The following SEMA3A variants were observed in gnomAD, a reference collection of about 807,000 sequenced individuals.
The protein encoded by SEMA3A is semaphorin-3A.
SEMA3A carries 29 observed loss-of-function variants against 97.9 expected under a neutral mutation model. That is an observed-to-expected ratio of 0.30 (90% CI 0.22 to 0.40). The LOEUF is 0.40. SEMA3A is among the 10% of genes least tolerant of loss of function. SEMA3A has a pLI of 1.00. For missense variants in SEMA3A, 763 were observed against 951.3 expected, an observed-to-expected ratio of 0.80 and a Z score of 2.60; for synonymous variants, 321 against 323.7, an observed-to-expected ratio of 0.99 and a Z score of 0.09.
At chr7:84,390,929 GACC>G (rs1294706499) in intron 1 of SEMA3A, among the ~76,000 whole-genome samples, 1 of 152,138 alleles carries the variant, frequency 6.6e-6, no homozygotes, top group Non-Finnish European at 1.5e-5. Context: ...CATAAAGTTA[GACC>G]CGAAATGGTC....
rs1788285754 is a variant in SEMA3A, at chr7:83,956,598, T to C, written c.*4773A>G. The stretch of plus-strand genomic sequence containing the variant: ...TGTAGGAGGCTGAATGTGTGACATA[T>C]GACAGTCTGTGCCAAGGATGCGAAT... On this transcript the variant is annotated 3_prime_UTR_variant, in exon 17 of 17. Transcript: ENST00000265362. The C allele has an allele frequency of 2.0e-5, 3 of 152,052 alleles. No homozygotes were observed. The highest frequency in any genetic ancestry group is 4.8e-5 in the African/African-American group (2 of 41,402). 9.4% of individuals were successfully genotyped at this position (152,052 alleles called of 1,614,324 possible).
chr7:84,162,551 G>A (rs1797067454), intron 1 of SEMA3A, among the ~76,000 whole-genome samples: 1 of 151,572 alleles, frequency 6.6e-6, no homozygotes, highest in South Asian at 2.1e-4. Flanking sequence ...GTACAGCAAT[G>A]GTATTAATTT....
chr7:84,295,201 G>A (rs1416304747), intron 3 of SEMA3A, among the ~76,000 whole-genome samples: 1 of 151,932 alleles, frequency 6.6e-6, no homozygotes, highest in African/African-American at 2.4e-5. Context: ...CTAGCAATTG[G>A]TCTAGAATAT....
At chr7:84,398,689 T>C (rs1803807817) in intron 1 of SEMA3A, among the ~76,000 whole-genome samples, 1 of 152,000 alleles carries the variant, frequency 6.6e-6, no homozygotes, top group African/African-American at 2.4e-5. Flanking sequence ...GTGCCTGTAG[T>C]CTTAGCTACT....
chr7:84,178,799 C>T (rs1356403862), intron 1 of SEMA3A, among the ~76,000 whole-genome samples: 1 of 152,110 alleles, frequency 6.6e-6, no homozygotes, highest in Admixed American at 6.5e-5. Flanking sequence ...CATGGTTATT[C>T]AATTAGTCCC....
intron 2 of SEMA3A, among the ~76,000 whole-genome samples, chr7:84,350,554 T>C (rs896464493): frequency 1.1e-4 from 17 of 152,206 alleles, no homozygotes; most frequent in African/African-American, 3.9e-4. Context: ...ACTGGGGTAA[T>C]TGCATTCCAT....
intron 1 of SEMA3A, among the ~76,000 whole-genome samples, chr7:84,185,046 C>T (rs1289066038): frequency 6.6e-6 from 1 of 152,044 alleles, no homozygotes; most frequent in African/African-American, 2.4e-5. Flanking sequence ...TTCTTGTGCT[C>T]TAATAACTGG....
chr7:84,195,645 T>A (rs546675008), upstream of SEMA3A, among the ~76,000 whole-genome samples: 1 of 152,174 alleles, frequency 6.6e-6, no homozygotes, highest in Admixed American at 6.5e-5. Context: ...TTGAGAATTA[T>A]AAATTACAAC....
chr7:84,419,218 T>C (rs1293743859), intron 1 of SEMA3A, among the ~76,000 whole-genome samples: 1 of 152,088 alleles, frequency 6.6e-6, no homozygotes, highest in South Asian at 2.1e-4. Context: ...GTAGTCTATA[T>C]CCCTAAGTGA....
intron 3 of SEMA3A, among the ~76,000 whole-genome samples, chr7:84,221,710 G>A (rs1562859274): frequency 1.3e-5 from 2 of 151,968 alleles, no homozygotes; most frequent in Non-Finnish European, 2.9e-5. Flanking sequence ...AGCATTTATT[G>A]ATTAAGTTTT....
In SEMA3A at chr7:83,960,553, A is replaced by T. The variant is rs1788426636; in HGVS notation, c.*818T>A. 3 of 152,504 alleles carry T rather than the reference A, an allele frequency of 2.0e-5. No individual in the cohort carries two copies. The highest frequency in any genetic ancestry group is 4.4e-5 in the Non-Finnish European group (3 of 67,974). 9.4% of individuals were successfully genotyped at this position (152,504 alleles called of 1,614,324 possible). On this transcript the variant is annotated 3_prime_UTR_variant, in exon 17 of 17. Coordinates refer to ENST00000265362, the MANE Select transcript of SEMA3A (RefSeq NM_006080.3). ...TTAATGATGTATATGTGTTTCTAGAACAATGTCATCTATCCCTCTTATAGA... is the reference window on the plus strand; with the variant it reads ...TTAATGATGTATATGTGTTTCTAGATCAATGTCATCTATCCCTCTTATAGA...
intron 3 of SEMA3A, among the ~76,000 whole-genome samples, chr7:84,261,343 G>T (rs978060937): frequency 1.2e-4 from 18 of 152,164 alleles, no homozygotes; most frequent in Admixed American, 2.0e-4. Context: ...TGAATGGCAG[G>T]ACTGAAAGAG....
At chr7:84,152,251 A>T (rs1290173195) in intron 1 of SEMA3A, among the ~76,000 whole-genome samples, 1 of 148,434 alleles carries the variant, frequency 6.7e-6, no homozygotes, top group Non-Finnish European at 1.5e-5. Flanking sequence ...ACGTATGTTT[A>T]TTGCGGCATT....
intron 3 of SEMA3A, among the ~76,000 whole-genome samples, chr7:84,220,095 C>T (rs1798842465): frequency 6.6e-6 from 1 of 152,176 alleles, no homozygotes; most frequent in Admixed American, 6.5e-5. Context: ...CCTGCCCATG[C>T]ATTATCAACT....
At chr7:84,330,424 A>G (rs546013011) in intron 2 of SEMA3A, among the ~76,000 whole-genome samples, 3 of 152,054 alleles carry the variant, frequency 2.0e-5, no homozygotes, top group Non-Finnish European at 4.4e-5. Flanking sequence ...ACAAATTATC[A>G]TATGCACTTA....
chr7:84,091,727 A>T (rs1230676025), intron 4 of SEMA3A, among the ~76,000 whole-genome samples: 1 of 152,180 alleles, frequency 6.6e-6, no homozygotes, highest in African/African-American at 2.4e-5. Context: ...TTTAGAGACT[A>T]TCTTCATGCT....
chr7:84,275,500 C>A (rs1461451431), intron 3 of SEMA3A, among the ~76,000 whole-genome samples: 1 of 152,030 alleles, frequency 6.6e-6, no homozygotes, highest in African/African-American at 2.4e-5. Flanking sequence ...CCTGACATTA[C>A]AGCTGAGTCA....
intron 3 of SEMA3A, among the ~76,000 whole-genome samples, chr7:84,274,674 T>C (rs1045918675): frequency 6.6e-6 from 1 of 152,082 alleles, no homozygotes; most frequent in African/African-American, 2.4e-5. Flanking sequence ...ATTATATGTA[T>C]TATAAAATAC....
At chr7:84,457,864 A>G (rs1181174758) in intron 1 of SEMA3A, among the ~76,000 whole-genome samples, 1 of 152,052 alleles carries the variant, frequency 6.6e-6, no homozygotes, top group Non-Finnish European at 1.5e-5. Context: ...CTATGAAAAC[A>G]AGTATATACA....
Sources: gnomAD v4.1 joint callset for allele counts (sites outside exome capture counted in the v4.1 genomes callset) on GRCh38, gnomAD v4.1.1 for gene constraint, MANE v1.5 for transcripts, NCBI Gene and HGNC (gene_info 2026-07-23, HGNC 2026-07-21) for gene names.